MTUS2: variants seen among roughly 807,000 people sequenced by gnomAD.
The protein encoded by MTUS2 is microtubule-associated tumor suppressor candidate 2.
MTUS2 carries 40 observed loss-of-function variants against 114.1 expected under a neutral mutation model. The ratio of observed to expected loss-of-function variants is 0.35; its 90% confidence interval spans 0.27 to 0.46. The LOEUF is 0.46. Ranked by LOEUF, MTUS2 falls within the 20% of genes least tolerant of loss-of-function variation. MTUS2 has a pLI of 1.00. For missense variants in MTUS2, 1,679 were observed against 1,705.4 expected (o/e 0.98, Z 0.27); for synonymous variants, 688 against 672.0 (o/e 1.02, Z -0.37).
chr13:28,920,339 C>T (rs368021247), intron 2 of MTUS2, among the ~76,000 whole-genome samples: 1 of 152,292 alleles, frequency 6.6e-6, no homozygotes, highest in African/African-American at 2.4e-5. Context: ...CCTTGGTGGT[C>T]TTTGATAAAA....
At chr13:29,216,216 A>G (rs7322995) in intron 5 of MTUS2, among the ~76,000 whole-genome samples, 3,782 of 152,288 alleles carry the variant, frequency 0.025, 152 homozygotes, top group African/African-American at 0.086. Flanking sequence ...GTAATGGCGG[A>G]TGTCCCTTCC....
intron 2 of MTUS2, among the ~76,000 whole-genome samples, chr13:28,873,213 C>G (rs999360689): frequency 1.3e-5 from 2 of 152,148 alleles, no homozygotes; most frequent in African/African-American, 4.8e-5. Context: ...TTCGGTGACA[C>G]ATGTTTGAGT....
At chr13:29,121,806 A>T (rs1308416481) in intron 5 of MTUS2, among the ~76,000 whole-genome samples, 2 of 151,996 alleles carry the variant, frequency 1.3e-5, no homozygotes, top group Non-Finnish European at 2.9e-5. Flanking sequence ...ACAGGCATGT[A>T]CCAGCACACC....
At chr13:29,310,398 C>A (rs1202159370) in intron 6 of MTUS2, among the ~76,000 whole-genome samples, 1 of 152,200 alleles carries the variant, frequency 6.6e-6, no homozygotes, top group Non-Finnish European at 1.5e-5. Context: ...ATTACCACTT[C>A]TACTTTTTAG....
At position 29,246,895 on chromosome 13, in the gene MTUS2, T is replaced by TA. The variant is rs56102503; in HGVS notation, c.2645-34794dup. On this transcript the variant is annotated intron_variant, in intron 5 of 15. Transcript: ENST00000612955. ...ATACCACCATCTTTCTTCACATAACTAAAAAAAAAAAAAAACAATTCAAAA... is the reference window on the plus strand; with the variant it reads ...ATACCACCATCTTTCTTCACATAACTAAAAAAAAAAAAAAAACAATTCAAAA... 9.9e-4 allele frequency among the ~76,000 whole-genome samples: 135 copies of TA among 136,800 alleles called. 1 individual carries two copies. The highest frequency in any genetic ancestry group is 7.9e-3 in the Middle Eastern group (2 of 254). 89.7% of individuals were successfully genotyped at this position (136,800 alleles called of 152,430 possible).
At chr13:28,915,306 A>G (rs905524329) in intron 2 of MTUS2, among the ~76,000 whole-genome samples, 6 of 151,976 alleles carry the variant, frequency 3.9e-5, no homozygotes, top group African/African-American at 7.2e-5. Flanking sequence ...TTTTGAATAT[A>G]TACTAAGCAG....
At chr13:28,950,842 G>A (rs112925188) in intron 2 of MTUS2, among the ~76,000 whole-genome samples, 1 of 152,206 alleles carries the variant, frequency 6.6e-6, no homozygotes, top group Non-Finnish European at 1.5e-5. Flanking sequence ...GAGACATGAA[G>A]TGAGCACATG....
chr13:28,824,181 T>C (rs1400961606), intron 1 of MTUS2, among the ~76,000 whole-genome samples: 1 of 152,164 alleles, frequency 6.6e-6, no homozygotes, highest in Non-Finnish European at 1.5e-5. Flanking sequence ...TCTTTTGTTC[T>C]AGCCCACACA....
At chr13:29,374,503 A>T (rs1422757630) in intron 8 of MTUS2, among the ~76,000 whole-genome samples, 1 of 152,262 alleles carries the variant, frequency 6.6e-6, no homozygotes, top group Non-Finnish European at 1.5e-5. Context: ...CAGATTTCTC[A>T]TCATAAATTA....
intron 4 of MTUS2, among the ~76,000 whole-genome samples, chr13:29,044,331 G>A (rs1407438): frequency 0.96 from 145,458 of 152,210 alleles, 69,610 homozygotes; most frequent in South Asian, 0.98. Flanking sequence ...TTTGTACATA[G>A]TGTGTCGGTT....
chr13:29,131,027 TTCAGCTGTGTATGGCAC>T (rs1357285285), intron 5 of MTUS2, among the ~76,000 whole-genome samples: 2 of 152,242 alleles, frequency 1.3e-5, no homozygotes, highest in Non-Finnish European at 2.9e-5. Flanking sequence ...CCCAAGTGCC[TTCAGCTGTGTATGGCAC>T]TCAGGAGGTC....
intron 5 of MTUS2, among the ~76,000 whole-genome samples, chr13:29,207,314 G>C (rs189979841): frequency 6.6e-6 from 1 of 152,214 alleles, no homozygotes; most frequent in East Asian, 1.9e-4. Flanking sequence ...TCAGTTCTAG[G>C]AGCTTTTAGG....
intron 9 of MTUS2, among the ~76,000 whole-genome samples, chr13:29,469,720 T>G (rs1032678408): frequency 2.0e-5 from 3 of 151,266 alleles, no homozygotes; most frequent in African/African-American, 7.3e-5. Context: ...AGCGGGAGGA[T>G]CGTTTGAGCC....
chr13:29,100,675 G>A (rs1890372924), intron 4 of MTUS2, 98 bp from the exon 5 acceptor site: 1 of 1,371,948 alleles, frequency 7.3e-7, no homozygotes, highest in Non-Finnish European at 1.0e-6. Flanking sequence ...ATTTTAGTCT[G>A]TTTATGATAG....
At chr13:29,438,396 AC>A (rs1294679832) in intron 8 of MTUS2, among the ~76,000 whole-genome samples, 1 of 152,196 alleles carries the variant, frequency 6.6e-6, no homozygotes, top group East Asian at 1.9e-4. Flanking sequence ...TTTATAAATA[AC>A]AGAAATTTAT....
chr13:29,089,217 A>G (rs544980365), intron 4 of MTUS2, among the ~76,000 whole-genome samples: 1 of 152,290 alleles, frequency 6.6e-6, no homozygotes, highest in Admixed American at 6.5e-5. Flanking sequence ...TATGAAGCAT[A>G]GTTTGGCTGG....
chr13:29,275,435 A>G (rs1231881460), intron 5 of MTUS2, among the ~76,000 whole-genome samples: 1 of 152,090 alleles, frequency 6.6e-6, no homozygotes, highest in African/African-American at 2.4e-5. Context: ...AATTATAGTC[A>G]CCCTGTTATC....
At chr13:29,365,381 G>A (rs1366987886) in intron 8 of MTUS2, among the ~76,000 whole-genome samples, 2 of 152,138 alleles carry the variant, frequency 1.3e-5, no homozygotes, top group East Asian at 3.9e-4. Context: ...CACCTCTATT[G>A]ATGATAATAT....
chr13:29,334,237 A>T (rs1422328847), intron 7 of MTUS2, among the ~76,000 whole-genome samples: 1 of 152,054 alleles, frequency 6.6e-6, no homozygotes, highest in Non-Finnish European at 1.5e-5. Flanking sequence ...TGTGAATTTG[A>T]TCCTGTCATT....
Sources: allele counts gnomAD v4.1 joint callset (sites outside exome capture counted in the v4.1 genomes callset), GRCh38; gene constraint gnomAD v4.1.1; transcripts MANE v1.5; gene names NCBI Gene and HGNC (gene_info 2026-07-23, HGNC 2026-07-21).